The following GALNTL6 variants were observed in gnomAD, a reference collection of about 807,000 sequenced individuals.
GALNTL6 encodes the protein polypeptide N-acetylgalactosaminyltransferase like 6.
GALNTL6 carries 46 observed loss-of-function variants against 73.7 expected under a neutral mutation model. The observed-to-expected ratio is 0.62, with a 90% CI of 0.49 to 0.80. The LOEUF is 0.80. Among genes scored for constraint, GALNTL6 ranks in the 30% least tolerant of loss-of-function variants. The probability of loss-of-function intolerance (pLI) is 0.00; values close to 1 mark genes in which losing one functional copy is unlikely to be tolerated. For missense variants in GALNTL6, 604 were observed against 755.0 expected (o/e 0.80, Z 2.34); for synonymous variants, 259 against 263.7 (o/e 0.98, Z 0.17).
chr4:172,677,822 C>A (rs557209078), intron 5 of GALNTL6, among the ~76,000 whole-genome samples: 1 of 151,568 alleles, frequency 6.6e-6, no homozygotes, highest in South Asian at 2.1e-4. Context: ...TTCTCACCAG[C>A]AGTGCAGGGA....
chr4:171,825,452 G>T (rs111619542), intron 2 of GALNTL6, among the ~76,000 whole-genome samples: 5 of 152,128 alleles, frequency 3.3e-5, no homozygotes, highest in African/African-American at 1.2e-4. Context: ...GCAGAATGGT[G>T]TCAGATTAAC....
At chr4:172,381,373 A>G (rs556332113) in intron 5 of GALNTL6, among the ~76,000 whole-genome samples, 1 of 152,156 alleles carries the variant, frequency 6.6e-6, no homozygotes, top group Admixed American at 6.5e-5. Context: ...CCAATCTTAT[A>G]ATAGTTTCAT....
intron 5 of GALNTL6, among the ~76,000 whole-genome samples, chr4:172,683,668 T>G (rs1440195372): frequency 6.6e-6 from 1 of 152,186 alleles, no homozygotes; most frequent in Non-Finnish European, 1.5e-5. Flanking sequence ...GTCAGAAATG[T>G]AAAGGAAGAA....
intron 5 of GALNTL6, among the ~76,000 whole-genome samples, chr4:172,575,975 G>C (rs1736942373): frequency 6.6e-6 from 1 of 152,144 alleles, no homozygotes. Context: ...TTTCACAAAA[G>C]TTACTGGCAT....
chr4:172,335,096 C>T (rs548770879), intron 4 of GALNTL6, among the ~76,000 whole-genome samples: 2 of 151,900 alleles, frequency 1.3e-5, no homozygotes, highest in African/African-American at 2.4e-5. Flanking sequence ...TACAGGCACC[C>T]GCCACCACGC....
At chr4:172,469,807 C>T (rs1481379674) in intron 5 of GALNTL6, among the ~76,000 whole-genome samples, 1 of 152,100 alleles carries the variant, frequency 6.6e-6, no homozygotes, top group East Asian at 1.9e-4. Context: ...AAATAATTTT[C>T]TTAAGGAAAA....
At chr4:172,607,925 C>A (rs55935835) in intron 5 of GALNTL6, among the ~76,000 whole-genome samples, 1 of 151,980 alleles carries the variant, frequency 6.6e-6, no homozygotes, top group South Asian at 2.1e-4. Flanking sequence ...ATGTCTTTCC[C>A]CACTTTATAA....
intron 12 of GALNTL6, among the ~76,000 whole-genome samples, chr4:173,031,033 A>AGG (rs1041412468): frequency 3.9e-5 from 6 of 151,930 alleles, no homozygotes; most frequent in African/African-American, 1.5e-4. Flanking sequence ...AGAGAGAGAG[A>AGG]GAGAGCACAG....
At chr4:171,892,897 C>T in intron 2 of GALNTL6, among the ~76,000 whole-genome samples, 1 of 152,146 alleles carries the variant, frequency 6.6e-6, no homozygotes, top group East Asian at 1.9e-4. Context: ...CTATCAAGCA[C>T]TTTTAATTAG....
chr4:172,771,192 T>C (rs1366413200), intron 5 of GALNTL6, among the ~76,000 whole-genome samples: 2 of 152,186 alleles, frequency 1.3e-5, no homozygotes, highest in Non-Finnish European at 2.9e-5. Flanking sequence ...TGCAAAACCA[T>C]GACAATCACC....
Position 172,357,675 on chromosome 4 carries a change from C to CATAT in GALNTL6, c.553+8993_553+8996dup, listed in dbSNP as rs5864130. Among the ~76,000 whole-genome samples, 899 of 149,992 alleles carry CATAT rather than the reference C, an allele frequency of 6.0e-3. 3 individuals are homozygous for CATAT. Among genetic ancestry groups the CATAT allele is most frequent in the Middle Eastern group, 0.034 (10 of 292 alleles). On this transcript the variant is annotated intron_variant, in intron 5 of 12. Transcript: ENST00000506823. ...CACACACACACACACACACGGAATT[C>CATAT]ATATATATATGATGCTTTGTAAACT...
chr4:172,912,746 CT>C (rs776516964), intron 8 of GALNTL6, among the ~76,000 whole-genome samples: 4 of 152,222 alleles, frequency 2.6e-5, no homozygotes, highest in Non-Finnish European at 5.9e-5. Context: ...CCCAGCGCAG[CT>C]CAGTGAGGCC....
At chr4:172,106,910 G>T (rs1732689323) in intron 2 of GALNTL6, among the ~76,000 whole-genome samples, 1 of 152,200 alleles carries the variant, frequency 6.6e-6, no homozygotes, top group Non-Finnish European at 1.5e-5. Context: ...TTTCACTCTT[G>T]TTGCCCAGGC....
intron 5 of GALNTL6, among the ~76,000 whole-genome samples, chr4:172,652,780 C>T (rs1236394713): frequency 6.6e-6 from 1 of 152,196 alleles, no homozygotes; most frequent in African/African-American, 2.4e-5. Context: ...GAATTTCACT[C>T]CACAATTAGC....
chr4:172,113,725 G>C (rs1334857038), intron 2 of GALNTL6, among the ~76,000 whole-genome samples: 1 of 152,034 alleles, frequency 6.6e-6, no homozygotes, highest in African/African-American at 2.4e-5. Context: ...AACGCATTGA[G>C]ATTTAAAGCT....
chr4:172,227,892 G>T (rs1391821920), intron 2 of GALNTL6, among the ~76,000 whole-genome samples: 1 of 152,082 alleles, frequency 6.6e-6, no homozygotes, highest in Non-Finnish European at 1.5e-5. Context: ...GTTTACACAA[G>T]AATACCTCCA....
chr4:171,992,378 C>T (rs1221773334), intron 2 of GALNTL6, among the ~76,000 whole-genome samples: 1 of 151,902 alleles, frequency 6.6e-6, no homozygotes, highest in Non-Finnish European at 1.5e-5. Context: ...TCATGTTATC[C>T]ATATAATGTA....
chr4:172,286,812 A>G (rs1739273507), intron 3 of GALNTL6, among the ~76,000 whole-genome samples: 3 of 152,342 alleles, frequency 2.0e-5, no homozygotes, highest in Non-Finnish European at 2.9e-5. Flanking sequence ...ATGGCGAGCC[A>G]AAGAGCCAAA....
intron 5 of GALNTL6, among the ~76,000 whole-genome samples, chr4:172,679,014 G>A (rs1732470693): frequency 6.6e-6 from 1 of 152,108 alleles, no homozygotes; most frequent in African/African-American, 2.4e-5. Context: ...GAATGGGCAT[G>A]GCTGTGTTCC....
Sources: gnomAD v4.1 joint callset for allele counts (sites outside exome capture counted in the v4.1 genomes callset) on GRCh38, gnomAD v4.1.1 for gene constraint, MANE v1.5 for transcripts, NCBI Gene and HGNC (gene_info 2026-07-23, HGNC 2026-07-21) for gene names.